ATAD3B: variants seen among roughly 807,000 people sequenced by gnomAD.
ATAD3B encodes the protein ATPase family AAA domain containing 3B.
In ATAD3B, 59 loss-of-function variants were observed where a neutral mutation model predicts 70.2. The ratio of observed to expected loss-of-function variants is 0.84; its 90% CI spans 0.68 to 1.04. The LOEUF (loss-of-function observed/expected upper bound fraction) is 1.04, where lower values mean the gene tolerates loss of function less well. Among genes scored for constraint, ATAD3B ranks in the 50% least tolerant of loss-of-function variants. The pLI, the probability that ATAD3B is intolerant of heterozygous loss-of-function variation, is 0.00. For synonymous variants in ATAD3B, 423 were observed against 388.6 expected, an observed-to-expected ratio of 1.09 and a Z score of -1.04; for missense variants, 961 against 913.4, an observed-to-expected ratio of 1.05 and a Z score of -0.67.
chr1:1,472,991 T>G (rs1049689565), intron 1 of ATAD3B, among the ~76,000 whole-genome samples: 12 of 151,068 alleles, frequency 7.9e-5, no homozygotes, highest in African/African-American at 2.9e-4. Context: ...CCCGGCTAAT[T>G]TTTTTTGTAT....
intron 1 of ATAD3B, 57 bp from the exon 2 acceptor site, chr1:1,477,217 C>G: frequency 6.3e-7 from 1 of 1,598,528 alleles, no homozygotes. Flanking sequence ...ACCATGTTGG[C>G]CAGGCTTTGG....
At chr1:1,493,138 G>C (rs1322422533) in intron 15 of ATAD3B, among the ~76,000 whole-genome samples, 1 of 151,904 alleles carries the variant, frequency 6.6e-6, no homozygotes, top group Non-Finnish European at 1.5e-5. Context: ...TAATAATTTG[G>C]CTTGGCACGG....
At chr1:1,509,458 G>C in the ATAD3B span, 1 of 1,588,924 alleles carries the variant, frequency 6.3e-7, no homozygotes, top group East Asian at 2.3e-5. Context: ...AAGTCCCACG[G>C]GGGCCGCACC....
In ATAD3B at chr1:1,495,566, C is replaced by A; in HGVS notation, c.1696C>A (p.Arg566=). ...ACVQDAVQQY[R]QKMRWLKAEG... The stretch of plus-strand genomic sequence containing the variant: ...TGTGCAAGATGCTGTCCAGCAGTAC[C>A]GACAGAAGATGCGCTGGCTGAAGGC... Residue 566 remains arginine (R), a synonymous_variant, in exon 16 of 16, where the codon CGA becomes AGA. Transcript: ENST00000673477. 1 of 1,613,212 alleles carries A rather than the reference C, an allele frequency of 6.2e-7. No individual in the cohort carries two copies.
intron 1 of ATAD3B, among the ~76,000 whole-genome samples, chr1:1,473,968 G>C (rs1639462113): frequency 6.6e-6 from 1 of 151,952 alleles, no homozygotes; most frequent in African/African-American, 2.4e-5. Context: ...GCCCCGGCTG[G>C]GTCTCATAAC....
At chr1:1,499,697 G>A (rs1314309893), downstream of ATAD3B, among the ~76,000 whole-genome samples, 1 of 141,154 alleles carries the variant, frequency 7.1e-6, no homozygotes, top group Non-Finnish European at 1.5e-5. Flanking sequence ...GGGTTCAAGC[G>A]ATTCTCCTTC....
chr1:1,486,816 C>G, intron 11 of ATAD3B, 148 bp downstream of exon 11: 1 of 1,472,352 alleles, frequency 6.8e-7, no homozygotes, highest in Non-Finnish European at 9.0e-7. Flanking sequence ...GAGGGTCCCT[C>G]GGAGGGAAAG....
chr1:1,507,736 A>C, the ATAD3B span, among the ~76,000 whole-genome samples: 1 of 152,206 alleles, frequency 6.6e-6, no homozygotes, highest in Non-Finnish European at 1.5e-5. Context: ...CAATTTGTCC[A>C]GGAGTTTGAG....
At chr1:1,503,557 C>T in the ATAD3B span, 3 of 1,598,512 alleles carry the variant, frequency 1.9e-6, no homozygotes, top group Non-Finnish European at 2.6e-6. Context: ...ATCCTAACAC[C>T]CGCCCTCTGT....
chr1:1,486,461 G>T (rs542996639), intron 10 of ATAD3B, 83 bp from the exon 11 acceptor site: 1 of 1,547,162 alleles, frequency 6.5e-7, no homozygotes, highest in African/African-American at 1.5e-5. Flanking sequence ...CCCGGCAGGG[G>T]CTCCACACTC....
the ATAD3B span, chr1:1,503,628 G>C: frequency 5.6e-6 from 9 of 1,612,302 alleles, no homozygotes; most frequent in Non-Finnish European, 7.6e-6. Context: ...TGCAGGAGCA[G>C]ACGCTGCAGT....
In ATAD3B at chr1:1,491,692, A is replaced by T. The variant is rs1185102520; in HGVS notation, c.1614+1021A>T. 2.6e-5 allele frequency among the ~76,000 whole-genome samples: 4 copies of T among 152,016 alleles called. 2 individuals are homozygous for T. Among genetic ancestry groups the T allele is most frequent in the Non-Finnish European group, 5.9e-5 (4 of 67,962 alleles). The stretch of plus-strand genomic sequence containing the variant: ...ATCTAGCAGCGTATTTGAATGAATG[A>T]GTGACAGCTTAATGAAGTAGCCAAG... On this transcript the variant is annotated intron_variant, in intron 15 of 15. Coordinates refer to ENST00000673477, the MANE Select transcript of ATAD3B (RefSeq NM_031921.6).
chr1:1,478,327 G>C (rs1639707237), intron 2 of ATAD3B: 7 of 1,175,364 alleles, frequency 6.0e-6, no homozygotes, highest in Non-Finnish European at 7.0e-6. Flanking sequence ...ATGGGCACGA[G>C]CTCTGCCCTC....
At chr1:1,478,274 G>A in intron 2 of ATAD3B, 1 of 778,622 alleles carries the variant, frequency 1.3e-6, no homozygotes, top group East Asian at 2.9e-5. Context: ...TGGGATTATA[G>A]GCAAGAGCGA....
intron 2 of ATAD3B, 197 bp from the exon 3 acceptor site, chr1:1,478,447 G>C (rs1486101768): frequency 6.5e-7 from 1 of 1,534,708 alleles, no homozygotes; most frequent in African/African-American, 1.4e-5. Flanking sequence ...TTCTCTGCTG[G>C]TGCTTCTGTG....
chr1:1,495,097 G>A lies in ATAD3B; in HGVS notation c.1615-388G>A, dbSNP rs973067756. Among the ~76,000 whole-genome samples, 52 of 152,078 alleles carry A rather than the reference G, an allele frequency of 3.4e-4. 2 individuals are homozygous for A. Among genetic ancestry groups the A allele is most frequent in the Non-Finnish European group, 7.4e-5 (5 of 67,960 alleles). On this transcript the variant is annotated intron_variant, in intron 15 of 15. Transcript: ENST00000673477. ...GCCTCTGCCCTGGAGGCCTGTGAGG[G>A]TCAGGGTCTGAGGGTCTGAGGTGCA...
At chr1:1,480,188 C>T (rs1207494559) in intron 4 of ATAD3B, among the ~76,000 whole-genome samples, 3 of 117,738 alleles carry the variant, frequency 2.5e-5, no homozygotes, top group East Asian at 6.8e-4. Context: ...GGCACACCCC[C>T]ACCCCCCACC....
chr1:1,489,270 A>G lies in ATAD3B; in HGVS notation c.1333A>G (p.Asn445Asp). ...AFLYHMGQHS[N>D]KFMLVLASNL... ...CCTGTACCACATGGGCCAACACAGC[A>G]ACAAGTGAGGGAGCCCCTCGGGTCC... The change falls in exon 13 of 16, where the codon AAC (asparagine) becomes GAC (aspartate). Residue 445 changes from asparagine to aspartate, a missense_variant. By Grantham distance (23) the Asn-to-Asp change is conservative. Coordinates refer to ENST00000673477, the MANE Select transcript of ATAD3B (RefSeq NM_031921.6). 1 of 1,613,506 alleles carries G rather than the reference A, an allele frequency of 6.2e-7. No homozygotes were observed. The highest frequency in any genetic ancestry group is 1.3e-5 in the African/African-American group (1 of 75,042).
intron 15 of ATAD3B, among the ~76,000 whole-genome samples, chr1:1,494,743 A>G (rs1377412736): frequency 1.3e-5 from 2 of 148,248 alleles, no homozygotes; most frequent in African/African-American, 2.6e-5. Flanking sequence ...CGAGGGACCC[A>G]CTCAGCTGTC....
Sources: gnomAD v4.1 joint callset for allele counts (sites outside exome capture counted in the v4.1 genomes callset) on GRCh38, gnomAD v4.1.1 for gene constraint, MANE v1.5 for transcripts, NCBI Gene and HGNC (gene_info 2026-07-23, HGNC 2026-07-21) for gene names.